SIPA1L3: variants seen among roughly 807,000 people sequenced by gnomAD.
SIPA1L3 encodes the protein signal-induced proliferation-associated 1-like protein 3.
SIPA1L3 carries 59 observed loss-of-function variants against 150.1 expected under a neutral mutation model. The observed-to-expected ratio is 0.39, with a 90% CI of 0.32 to 0.49. SIPA1L3 has a LOEUF of 0.49. Among genes scored for constraint, SIPA1L3 ranks in the 20% least tolerant of loss-of-function variants. SIPA1L3 has a pLI of 0.86. For missense variants in SIPA1L3, 2,211 were observed against 2,489.5 expected, an observed-to-expected ratio of 0.89 and a Z score of 2.38; for synonymous variants, 1,070 against 1,077.6, an observed-to-expected ratio of 0.99 and a Z score of 0.14.
At chr19:38,145,359 C>T (rs1161817296) in intron 12 of SIPA1L3, among the ~76,000 whole-genome samples, 1 of 151,752 alleles carries the variant, frequency 6.6e-6, no homozygotes, top group Admixed American at 6.6e-5. Context: ...TGATGAAACC[C>T]CGTCTCTACT....
At chr19:38,197,783 A>G (rs1355586191) in intron 18 of SIPA1L3, among the ~76,000 whole-genome samples, 1 of 151,928 alleles carries the variant, frequency 6.6e-6, no homozygotes, top group Non-Finnish European at 1.5e-5. Flanking sequence ...CCTGTGTCCT[A>G]TCACGGCCCC....
intron 1 of SIPA1L3, among the ~76,000 whole-genome samples, chr19:37,936,611 G>A (rs1192644660): frequency 6.6e-6 from 1 of 152,166 alleles, no homozygotes; most frequent in Non-Finnish European, 1.5e-5. Context: ...TCTTCACAGT[G>A]GCCCTATGAA....
At chr19:38,081,189 A>G (rs1969969271) in intron 2 of SIPA1L3, 67 bp from the exon 3 acceptor site, 1 of 403,838 alleles carries the variant, frequency 2.5e-6, no homozygotes, top group Non-Finnish European at 4.4e-6. Flanking sequence ...GAAAAGTCAC[A>G]TGTCCCACTT....
At position 38,101,227 on chromosome 19, in the gene SIPA1L3, G is replaced by A; in HGVS notation, c.2029+1G>A. Reference sequence around the variant, plus strand: ...TACGCTGCCCAGCTGGACGTCAAGAGTAAGTAGGGGGCCGGTTAGATCACA... The same window carrying A: ...TACGCTGCCCAGCTGGACGTCAAGAATAAGTAGGGGGCCGGTTAGATCACA... On this transcript the variant is annotated splice_donor_variant, in intron 6 of 21. Transcript: ENST00000222345. LOFTEE classifies it high-confidence loss of function. The A allele has an allele frequency of 6.5e-7, 1 of 1,545,372 alleles. No homozygotes were observed. Among genetic ancestry groups the A allele is most frequent in the Non-Finnish European group, 8.8e-7 (1 of 1,142,740 alleles).
intron 18 of SIPA1L3, among the ~76,000 whole-genome samples, chr19:38,195,799 CCCGCCCCCCCGGGTTTCTCTCA>C (rs1972912510): frequency 8.8e-6 from 1 of 113,390 alleles, no homozygotes; most frequent in African/African-American, 4.0e-5. Flanking sequence ...CCCGTCCCCC[CCCGCCCCCCCGGGTTTCTCTCA>C]CCCCCCTCCG....
At chr19:37,914,024 CAAAAAA>C (rs58768492) in intron 1 of SIPA1L3, among the ~76,000 whole-genome samples, 3 of 110,788 alleles carry the variant, frequency 2.7e-5, no homozygotes, top group Admixed American at 9.5e-5. Flanking sequence ...GAGGCCGTCT[CAAAAAA>C]AAAAAAAAAA....
chr19:37,985,223 T>A (rs1967317865), intron 1 of SIPA1L3, among the ~76,000 whole-genome samples: 1 of 148,212 alleles, frequency 6.7e-6, no homozygotes, highest in Non-Finnish European at 1.5e-5. Flanking sequence ...TGAGTGTGGG[T>A]CTCTCTCTGG....
intron 2 of SIPA1L3, among the ~76,000 whole-genome samples, chr19:38,065,816 A>C (rs1468461296): frequency 6.7e-6 from 1 of 150,250 alleles, no homozygotes; most frequent in Non-Finnish European, 1.5e-5. Context: ...TGCATGCATT[A>C]CACATAGCTC....
At chr19:38,096,477 G>T (rs1444472720) in intron 4 of SIPA1L3, among the ~76,000 whole-genome samples, 1 of 152,116 alleles carries the variant, frequency 6.6e-6, no homozygotes, top group Non-Finnish European at 1.5e-5. Flanking sequence ...TCGAACTCCT[G>T]ACCTAAAGTG....
intron 4 of SIPA1L3, among the ~76,000 whole-genome samples, chr19:38,089,328 C>CAAAAAAAAAA: frequency 1.6e-5 from 1 of 64,288 alleles, no homozygotes; most frequent in Non-Finnish European, 3.4e-5. Flanking sequence ...GACTGTGTCT[C>CAAAAAAAAAA]AAAAAAAAAA....
At chr19:38,056,957 A>G (rs890954252) in intron 2 of SIPA1L3, among the ~76,000 whole-genome samples, 1 of 152,072 alleles carries the variant, frequency 6.6e-6, no homozygotes, top group Non-Finnish European at 1.5e-5. Flanking sequence ...TACTGACAGA[A>G]TGAGACCCTG....
chr19:38,171,696 A>C (rs1208193643), intron 15 of SIPA1L3, among the ~76,000 whole-genome samples: 1 of 151,918 alleles, frequency 6.6e-6, no homozygotes, highest in Non-Finnish European at 1.5e-5. Context: ...CCTGGCCAAA[A>C]ATTTTTTTAA....
intron 1 of SIPA1L3, among the ~76,000 whole-genome samples, chr19:38,008,095 G>C (rs1568499661): frequency 6.6e-6 from 1 of 152,028 alleles, no homozygotes; most frequent in Non-Finnish European, 1.5e-5. Flanking sequence ...TCCTATTGCA[G>C]ATGCGGACCT....
chr19:38,089,939 G>C (rs1013495862), intron 4 of SIPA1L3, among the ~76,000 whole-genome samples: 1 of 152,054 alleles, frequency 6.6e-6, no homozygotes, highest in African/African-American at 2.4e-5. Flanking sequence ...TTTGCATCGC[G>C]AGTGTCATTT....
chr19:37,929,713 G>T (rs1381510736), intron 1 of SIPA1L3, among the ~76,000 whole-genome samples: 4 of 152,072 alleles, frequency 2.6e-5, no homozygotes, highest in Non-Finnish European at 1.5e-5. Context: ...CCCCTCTGAG[G>T]GCTGTTCTTG....
At chr19:37,930,023 A>AC (rs933889027) in intron 1 of SIPA1L3, among the ~76,000 whole-genome samples, 3 of 102,336 alleles carry the variant, frequency 2.9e-5, no homozygotes, top group East Asian at 3.2e-4. Context: ...CGTGCCTGGC[A>AC]AATTTTTTTT....
intron 1 of SIPA1L3, among the ~76,000 whole-genome samples, chr19:37,970,084 A>G (rs1032696998): frequency 6.6e-6 from 1 of 152,228 alleles, no homozygotes; most frequent in African/African-American, 2.4e-5. Context: ...ATGTGGTTGA[A>G]ATAGAATTGT....
In SIPA1L3 at chr19:38,100,105, C is replaced by T. The variant is rs752684625; in HGVS notation, c.1809C>T (p.Asn603=). Reference sequence around the variant, plus strand: ...TCCACTGCCTGCGGCTGGCCCTCAACACCCCCAAGGTGACGGAGCAACTGC... The same window carrying T: ...TCCACTGCCTGCGGCTGGCCCTCAATACCCCCAAGGTGACGGAGCAACTGC... ...LNIHCLRLAL[N]TPKVTEQLLK... The change falls in exon 5 of 22, where the codon AAC becomes AAT. Residue 603 remains asparagine (N), a synonymous_variant. Coordinates refer to ENST00000222345, the MANE Select transcript of SIPA1L3 (RefSeq NM_015073.3). 6.2e-7 allele frequency: 1 copy of T among 1,608,770 alleles called. No homozygotes were observed. Among genetic ancestry groups the T allele is most frequent in the South Asian group, 1.1e-5 (1 of 90,304 alleles).
At chr19:37,984,719 C>T (rs1432030702) in intron 1 of SIPA1L3, among the ~76,000 whole-genome samples, 1 of 152,232 alleles carries the variant, frequency 6.6e-6, no homozygotes, top group Non-Finnish European at 1.5e-5. Context: ...AGCTGCGTTA[C>T]TGTTGGTGTC....
Sources: allele counts gnomAD v4.1 joint callset (sites outside exome capture counted in the v4.1 genomes callset), GRCh38; gene constraint gnomAD v4.1.1; transcripts MANE v1.5; gene names NCBI Gene and HGNC (gene_info 2026-07-23, HGNC 2026-07-21).